Variants in AHI1 observed in about 807,000 individuals in gnomAD.
AHI1 encodes the protein jouberin.
AHI1 carries 123 observed loss-of-function variants against 149.3 expected under a neutral mutation model. The observed-to-expected ratio is 0.82, with a 90% CI of 0.71 to 0.96. The LOEUF (loss-of-function observed/expected upper bound fraction) is 0.96, where lower values mean the gene tolerates loss of function less well. Among genes scored for constraint, AHI1 ranks in the 40% least tolerant of loss-of-function variants. The pLI is 0.00. For missense variants in AHI1, 1,439 were observed against 1,422.7 expected, an observed-to-expected ratio of 1.01 and a Z score of -0.18; for synonymous variants, 475 against 459.8, an observed-to-expected ratio of 1.03 and a Z score of -0.42.
intron 24 of AHI1, among the ~76,000 whole-genome samples, chr6:135,345,198 CTG>C (rs1791012285): frequency 6.6e-6 from 1 of 152,168 alleles, no homozygotes; most frequent in Non-Finnish European, 1.5e-5. Flanking sequence ...TGTGGGGACA[CTG>C]CAACACTCAT....
At chr6:135,306,398 A>T (rs1784541021) in intron 26 of AHI1, among the ~76,000 whole-genome samples, 1 of 151,478 alleles carries the variant, frequency 6.6e-6, no homozygotes, top group Admixed American at 6.6e-5. Flanking sequence ...ATGTGAGGGG[A>T]TTCATATTAT....
At chr6:135,449,736 A>C (rs959958133) in intron 11 of AHI1, among the ~76,000 whole-genome samples, 6 of 152,236 alleles carry the variant, frequency 3.9e-5, no homozygotes, top group African/African-American at 1.4e-4. Flanking sequence ...ATTGTCCAAG[A>C]GAGCTTTCTA....
At chr6:135,443,847 A>T (rs1234706473) in intron 13 of AHI1, among the ~76,000 whole-genome samples, 1 of 152,138 alleles carries the variant, frequency 6.6e-6, no homozygotes, top group East Asian at 1.9e-4. Flanking sequence ...CCACATAATT[A>T]AGAAAAGGGA....
At chr6:135,332,047 T>A (rs1056192934) in intron 24 of AHI1, among the ~76,000 whole-genome samples, 5 of 152,064 alleles carry the variant, frequency 3.3e-5, no homozygotes, top group Non-Finnish European at 4.4e-5. Flanking sequence ...ATGCCATTAC[T>A]TGATATCCGT....
intron 5 of AHI1, chr6:135,490,016 A>C (rs1469976214): frequency 1.8e-6 from 1 of 557,004 alleles, no homozygotes; most frequent in Non-Finnish European, 3.2e-6. Context: ...GATAGGTATA[A>C]AGAGGGCATA....
intron 14 of AHI1, among the ~76,000 whole-genome samples, chr6:135,439,325 T>A (rs1202212927): frequency 6.6e-6 from 1 of 152,236 alleles, no homozygotes; most frequent in African/African-American, 2.4e-5. Flanking sequence ...GCTCCATGTC[T>A]CCAGCATGTG....
At chr6:135,307,132 A>C (rs1426998385) in intron 26 of AHI1, 1 of 152,226 alleles carries the variant, frequency 6.6e-6, no homozygotes, top group South Asian at 2.1e-4. Context: ...AAGTACAAAA[A>C]AATTCAAATA....
intron 15 of AHI1, chr6:135,435,267 T>A (rs1353309589): frequency 6.6e-6 from 1 of 152,172 alleles, no homozygotes; most frequent in Non-Finnish European, 1.5e-5. Context: ...TAAATTAGTA[T>A]CAGTTTTAAA....
intron 24 of AHI1, among the ~76,000 whole-genome samples, chr6:135,340,108 A>G (rs997241059): frequency 6.6e-6 from 1 of 152,222 alleles, no homozygotes; most frequent in Admixed American, 6.5e-5. Context: ...GCCGTGGCTC[A>G]CGCCTGTAAT....
rs78942984 is a variant in AHI1, at chr6:135,432,907, A to G, written c.2266+120T>C. 7,152 of 698,062 alleles carry G rather than the reference A, an allele frequency of 0.01. 335 individuals are homozygous for G. In the African/African-American group the frequency reaches 0.1, roughly 10 times the overall value. 43.2% of individuals were successfully genotyped at this position (698,062 alleles called of 1,614,324 possible). A position where few individuals can be genotyped will look rare whatever the true frequency, so the allele number is the denominator to read the frequency against. On this transcript the variant is annotated intron_variant, in intron 16 of 28. Coordinates refer to ENST00000265602, the MANE Select transcript of AHI1 (RefSeq NM_001134831.2). The stretch of plus-strand genomic sequence containing the variant: ...ATATCTATCATATGACCTGCAAAAT[A>G]AGCATAAACCTAAATATGCGCAATC...
At chr6:135,382,954 T>TATATACAC (rs770394314) in intron 23 of AHI1, among the ~76,000 whole-genome samples, 1 of 100,050 alleles carries the variant, frequency 1.0e-5, no homozygotes, top group African/African-American at 4.3e-5. Flanking sequence ...TATATATATA[T>TATATACAC]ACATATAAAA....
intron 5 of AHI1, among the ~76,000 whole-genome samples, chr6:135,484,535 T>G (rs1417653378): frequency 6.6e-6 from 1 of 152,142 alleles, no homozygotes; most frequent in Non-Finnish European, 1.5e-5. Context: ...TGACATCAAT[T>G]TATGCAACTT....
At chr6:135,308,272 G>C (rs1784757166) in intron 26 of AHI1, among the ~76,000 whole-genome samples, 1 of 152,084 alleles carries the variant, frequency 6.6e-6, no homozygotes, top group South Asian at 2.1e-4. Context: ...GTCTTGATCT[G>C]TTGCCCAGAC....
At position 135,455,797 on chromosome 6, in the gene AHI1, A is replaced by G. The variant is rs759903519; in HGVS notation, c.1281T>C (p.Asn427=). ...LPEWEEQIVF[N]ENFPYLLRGS... The stretch of plus-strand genomic sequence containing the variant: ...CTCGAAGCAAATAGGGAAAATTTTC[A>G]TTAAATACAATTTGTTCTTCCCACT... The change falls in exon 10 of 29, where the codon AAT becomes AAC. Residue 427 remains asparagine, a synonymous_variant. Transcript: ENST00000265602. 36 of 1,601,888 alleles carry G rather than the reference A, an allele frequency of 2.2e-5. No homozygotes were observed. Among genetic ancestry groups the G allele is most frequent in the Non-Finnish European group, 2.9e-5 (34 of 1,173,292 alleles).
intron 24 of AHI1, among the ~76,000 whole-genome samples, chr6:135,344,955 C>CACAT (rs913357002): frequency 6.6e-6 from 1 of 151,144 alleles, no homozygotes; most frequent in Non-Finnish European, 1.5e-5. Context: ...CACACACACA[C>CACAT]AGTATATTAA....
Position 135,323,269 on chromosome 6 carries a change from C to T in AHI1, c.3221G>A (p.Arg1074His), listed in dbSNP as rs1199922772. 14 of 1,613,738 alleles carry T rather than the reference C, an allele frequency of 8.7e-6. No homozygotes were observed. The highest frequency in any genetic ancestry group is 2.2e-5 in the South Asian group (2 of 91,016). Residue 1074 changes from arginine (R) to histidine (H), a missense_variant, in exon 25 of 29, where the codon CGC (arginine) becomes CAC (histidine). Coordinates refer to ENST00000265602, the MANE Select transcript of AHI1 (RefSeq NM_001134831.2). ...GAAAAACACTCGGATAATGTCTCCG[C>T]GATGGATGGTTAGTTCATCTGATCG... ...ANRSDELTIH[R>H]GDIIRVFFKD... is the part of the protein sequence containing the mutation.
At chr6:135,471,435 T>A (rs1791672013) in intron 5 of AHI1, among the ~76,000 whole-genome samples, 1 of 152,236 alleles carries the variant, frequency 6.6e-6, no homozygotes, top group South Asian at 2.1e-4. Flanking sequence ...TGGTTTTGAT[T>A]TCCTTTTTCC....
intron 24 of AHI1, among the ~76,000 whole-genome samples, chr6:135,330,632 T>C (rs1329644141): frequency 6.6e-6 from 1 of 152,240 alleles, no homozygotes; most frequent in African/African-American, 2.4e-5. Flanking sequence ...AAGGTATGAC[T>C]GTACAGAATT....
intron 14 of AHI1, among the ~76,000 whole-genome samples, chr6:135,440,964 A>G (rs1786205800): frequency 6.6e-6 from 1 of 152,036 alleles, no homozygotes; most frequent in African/African-American, 2.4e-5. Context: ...TACACAGGGG[A>G]AAAAAGTCAT....
Sources: gnomAD v4.1 joint callset for allele counts (sites outside exome capture counted in the v4.1 genomes callset) on GRCh38, gnomAD v4.1.1 for gene constraint, MANE v1.5 for transcripts, NCBI Gene and HGNC (gene_info 2026-07-23, HGNC 2026-07-21) for gene names.